Variants in NEIL3 observed in about 807,000 individuals in gnomAD.
NEIL3 encodes nei like DNA glycosylase 3, also known as endonuclease 8-like 3.
In NEIL3, 48 loss-of-function variants were observed where a neutral mutation model predicts 57.5. The ratio of observed to expected loss-of-function variants is 0.83; its 90% CI spans 0.66 to 1.06. The LOEUF is 1.06. Ranked by LOEUF, NEIL3 falls within the 50% of genes least tolerant of loss-of-function variation. The probability of loss-of-function intolerance (pLI) is 0.00; values close to 1 mark genes in which losing one functional copy is unlikely to be tolerated. For missense variants in NEIL3, 717 were observed against 739.1 expected (o/e 0.97, Z 0.35); for synonymous variants, 261 against 253.2 (o/e 1.03, Z -0.29).
Position 177,360,596 on chromosome 4 carries a change from T to A in NEIL3, c.1554T>A (p.Val518=), listed in dbSNP as rs1176740484. ...SKHNRLCILR[V]VGKDGENKGR... is the part of the protein sequence containing the mutation. The stretch of plus-strand genomic sequence containing the variant: ...ACAACCGCCTCTGCATTCTCCGAGT[T>A]GTGGGGAAGGATGGGGAAAACAAGG... The change falls in exon 9 of 10, where the codon GTT becomes GTA. Residue 518 remains valine (V), a synonymous_variant. Coordinates refer to ENST00000264596, the MANE Select transcript of NEIL3 (RefSeq NM_018248.3). 27 of 1,614,134 alleles carry A rather than the reference T, an allele frequency of 1.7e-5. No homozygotes were observed. Among genetic ancestry groups the A allele is most frequent in the Non-Finnish European group, 2.3e-5 (27 of 1,179,974 alleles).
intron 1 of NEIL3, among the ~76,000 whole-genome samples, chr4:177,317,597 C>CTTTTTTTTTTTTTTTTTTTTT: frequency 1.4e-5 from 1 of 70,070 alleles, no homozygotes; most frequent in Admixed American, 2.1e-4. Context: ...ACTTTCTTTT[C>CTTTTTTTTTTTTTTTTTTTTT]TTTTTTTTTT....
intron 2 of NEIL3, among the ~76,000 whole-genome samples, chr4:177,324,231 C>G (rs1228944511): frequency 6.6e-6 from 1 of 152,152 alleles, no homozygotes; most frequent in Admixed American, 6.5e-5. Flanking sequence ...TGACTTCTGC[C>G]TCCCACCCAC....
chr4:177,334,912 T>G (rs934226399), intron 2 of NEIL3, among the ~76,000 whole-genome samples: 1 of 152,196 alleles, frequency 6.6e-6, no homozygotes, highest in African/African-American at 2.4e-5. Context: ...CAGAACTACT[T>G]TTTTTAAAAA....
intron 9 of NEIL3, among the ~76,000 whole-genome samples, chr4:177,362,059 C>T (rs1442220580): frequency 6.6e-6 from 1 of 152,118 alleles, no homozygotes; most frequent in African/African-American, 2.4e-5. Context: ...AAGGGAAGCT[C>T]AGAATTATGG....
At chr4:177,368,855 A>G in the NEIL3 span, among the ~76,000 whole-genome samples, 2 of 152,184 alleles carry the variant, frequency 1.3e-5, no homozygotes, top group Admixed American at 1.3e-4. Context: ...AATTAATCGA[A>G]TCAAAGGACA....
chr4:177,360,761 GT>G (rs1735592903), intron 9 of NEIL3, 84 bp downstream of exon 9: 22 of 1,076,330 alleles, frequency 2.0e-5, no homozygotes, highest in Admixed American at 5.4e-5. Context: ...TACTTTCCTA[GT>G]TTTACCTTTT....
rs921176677 is a variant in NEIL3, at chr4:177,335,988, C to T, written c.414-120C>T. On this transcript the variant is annotated intron_variant, in intron 3 of 9. Coordinates refer to ENST00000264596, the MANE Select transcript of NEIL3 (RefSeq NM_018248.3). ...TAATTTGTAAGGTCTTTGTTGTTTG[C>T]ATATGTAACTCTTATACCCTGATTA... 9 of 1,014,290 alleles carry T rather than the reference C, an allele frequency of 8.9e-6. No homozygotes were observed. The East Asian group carries it at 1.8e-4, about 20-fold the overall frequency. The allele number at this position is 1,014,290 out of a possible 1,614,324, so 62.8% of individuals were successfully genotyped here. A position where few individuals can be genotyped will look rare whatever the true frequency, so the allele number is the denominator to read the frequency against.
chr4:177,369,404 C>T, the NEIL3 span, among the ~76,000 whole-genome samples: 613 of 152,138 alleles, frequency 4.0e-3, 4 homozygotes, highest in Middle Eastern at 0.01. Flanking sequence ...GAGATAAATG[C>T]GTAAAAGAAG....
intron 7 of NEIL3, among the ~76,000 whole-genome samples, chr4:177,352,666 T>C (rs1735382148): frequency 6.6e-6 from 1 of 151,918 alleles, no homozygotes; most frequent in Non-Finnish European, 1.5e-5. Flanking sequence ...CCATCTCTAC[T>C]AAAAATACAA....
At position 177,335,833 on chromosome 4, in the gene NEIL3, T is replaced by A. The variant is rs779561016; in HGVS notation, c.413+11T>A. ...ATCAGTAGAACTCAGGTAAAAAAAATTAAATAAAAGTACTTACGCTGCAAT... is the reference window on the plus strand; with the variant it reads ...ATCAGTAGAACTCAGGTAAAAAAAAATAAATAAAAGTACTTACGCTGCAAT... On this transcript the variant is annotated intron_variant, in intron 3 of 9. Coordinates refer to ENST00000264596, the MANE Select transcript of NEIL3 (RefSeq NM_018248.3). The A allele has an allele frequency of 8.6e-6, 13 of 1,517,098 alleles. No homozygotes were observed. Among genetic ancestry groups the A allele is most frequent in the African/African-American group, 4.2e-5 (3 of 70,896 alleles). The allele number at this position is 1,517,098 out of a possible 1,614,324, so 94.0% of individuals were successfully genotyped here.
intron 2 of NEIL3, among the ~76,000 whole-genome samples, chr4:177,331,486 A>G (rs1317781511): frequency 6.6e-6 from 1 of 151,998 alleles, no homozygotes; most frequent in Non-Finnish European, 1.5e-5. Flanking sequence ...TTAAGAATCA[A>G]TATTTTAAGT....
At position 177,353,575 on chromosome 4, in the gene NEIL3, C is replaced by T. The variant is rs1377519575; in HGVS notation, c.1307C>T (p.Thr436Ile). 3 of 1,613,276 alleles carry T rather than the reference C, an allele frequency of 1.9e-6. No homozygotes were observed. The South Asian group carries it at 3.3e-5, about 18-fold the overall frequency. Residue 436 changes from threonine (T) to isoleucine (I), a missense_variant, in exon 8 of 10, where the codon ACA becomes ATA. By Grantham distance (89) the Thr-to-Ile change is moderately conservative. Transcript: ENST00000264596. ...LNDIQHPSKK[T>I]TNDITQPSSK... ...GATATACAGCACCCCTCCAAGAAGA[C>T]AACAAACGATATAACTCAACCATCC...
intron 6 of NEIL3, among the ~76,000 whole-genome samples, chr4:177,342,599 C>T (rs192234644): frequency 7.2e-5 from 11 of 152,052 alleles, no homozygotes; most frequent in Admixed American, 6.5e-4. Context: ...TCAAAGAAAG[C>T]GTCATTTGAG....
At position 177,345,474 on chromosome 4, in the gene NEIL3, T is replaced by A. The variant is rs201793519; in HGVS notation, c.869+3832T>A. 1.6e-3 allele frequency among the ~76,000 whole-genome samples: 236 copies of A among 151,198 alleles called. 1 individual carries two copies. Among genetic ancestry groups the A allele is most frequent in the African/African-American group, 4.9e-3 (200 of 41,140 alleles). On this transcript the variant is annotated intron_variant, in intron 6 of 9. Coordinates refer to ENST00000264596, the MANE Select transcript of NEIL3 (RefSeq NM_018248.3). ...GTCTGCAAACCAACTCTTTTTTTTT[T>A]TTATTATTATTATACTTTAAGTTTT... is the stretch of plus-strand genomic sequence containing the variant.
chr4:177,347,780 T>A (rs1051279547), intron 6 of NEIL3, among the ~76,000 whole-genome samples: 1 of 152,150 alleles, frequency 6.6e-6, no homozygotes, highest in Non-Finnish European at 1.5e-5. Flanking sequence ...CAATAAAAAA[T>A]TATGACTACA....
intron 8 of NEIL3, among the ~76,000 whole-genome samples, chr4:177,355,926 C>G (rs1323368809): frequency 6.6e-6 from 1 of 152,030 alleles, no homozygotes; most frequent in Admixed American, 6.6e-5. Flanking sequence ...TGTTCATATA[C>G]TCACATTTGA....
rs537517549 is a variant in NEIL3, at chr4:177,329,094, ACTT to A, written c.278+6515_278+6517del. On this transcript the variant is annotated intron_variant, in intron 2 of 9. Transcript: ENST00000264596. ...GTGTATTATAAAACCTAGAGCAACT[ACTT>A]AAAAAAATTCAAAAAGTGGTAAAAG... Among the ~76,000 whole-genome samples the A allele has an allele frequency of 3.7e-4, 56 of 152,252 alleles. 1 individual carries two copies. In the South Asian group the frequency reaches 0.012, roughly 32 times the overall value.
In NEIL3 at chr4:177,351,438, A is replaced by C. The variant is rs776715065; in HGVS notation, c.928A>C (p.Met310Leu). Reference protein sequence around the residue: ...SWTSSRVDHVMDSVARKSEEH... With the variant: ...SWTSSRVDHVLDSVARKSEEH... ...GACATCTAGCAGGGTGGATCATGTT[A>C]TGGACTCCGTGGCTCGGAAGTCGGA... The change falls in exon 7 of 10, where the codon ATG becomes CTG. Residue 310 changes from methionine to leucine, a missense_variant. Coordinates refer to ENST00000264596, the MANE Select transcript of NEIL3 (RefSeq NM_018248.3). 2.5e-6 allele frequency: 4 copies of C among 1,613,820 alleles called. No individual in the cohort carries two copies. In the African/African-American group the frequency reaches 5.3e-5, roughly 22 times the overall value.
intron 8 of NEIL3, chr4:177,357,075 GCTT>G (rs1211688177): frequency 6.6e-6 from 1 of 152,198 alleles, no homozygotes; most frequent in Non-Finnish European, 1.5e-5. Flanking sequence ...TCTCTTGGTT[GCTT>G]CTTGGAGTTT....
Sources: allele counts gnomAD v4.1 joint callset (sites outside exome capture counted in the v4.1 genomes callset), GRCh38; gene constraint gnomAD v4.1.1; transcripts MANE v1.5; gene names NCBI Gene and HGNC (gene_info 2026-07-23, HGNC 2026-07-21).